PITPNC1: variants seen among roughly 807,000 people sequenced by gnomAD.
PITPNC1 encodes cytoplasmic phosphatidylinositol transfer protein 1.
Under a neutral mutation model 44.7 loss-of-function variants are expected in PITPNC1, and 18 were observed. That is an observed-to-expected ratio of 0.40 (90% CI 0.28 to 0.60). The LOEUF is 0.60. Ranked by LOEUF, PITPNC1 falls within the 20% of genes least tolerant of loss-of-function variation. PITPNC1 has a pLI of 0.39. For missense variants in PITPNC1, 290 were observed against 418.4 expected, an observed-to-expected ratio of 0.69 and a Z score of 2.68; for synonymous variants, 141 against 149.6, an observed-to-expected ratio of 0.94 and a Z score of 0.42.
chr17:67,602,402 C>A (rs1039328563), intron 5 of PITPNC1, among the ~76,000 whole-genome samples: 1 of 151,990 alleles, frequency 6.6e-6, no homozygotes, highest in African/African-American at 2.4e-5. Context: ...AGATTCAAGA[C>A]CCCAGTGGAG....
At chr17:67,650,989 G>A (rs892564677) in intron 6 of PITPNC1, among the ~76,000 whole-genome samples, 6 of 152,204 alleles carry the variant, frequency 3.9e-5, no homozygotes, top group Admixed American at 6.5e-5. Context: ...AACACAAACC[G>A]CTCAGGGTTT....
chr17:67,466,879 C>G (rs988292365), intron 1 of PITPNC1, among the ~76,000 whole-genome samples: 1 of 152,016 alleles, frequency 6.6e-6, no homozygotes, highest in Non-Finnish European at 1.5e-5. Flanking sequence ...TTTCTTCCCC[C>G]CCAAATCCAG....
At chr17:67,475,222 T>C (rs2039609300) in intron 1 of PITPNC1, among the ~76,000 whole-genome samples, 3 of 152,208 alleles carry the variant, frequency 2.0e-5, no homozygotes, top group Non-Finnish European at 4.4e-5. Flanking sequence ...GAGGGTGTTT[T>C]GCTTTCTGCG....
chr17:67,573,869 C>T (rs1445470578), intron 4 of PITPNC1, among the ~76,000 whole-genome samples: 1 of 152,026 alleles, frequency 6.6e-6, no homozygotes, highest in East Asian at 1.9e-4. Flanking sequence ...CTACTGACTA[C>T]TCTTTTAATA....
At chr17:67,552,805 CAAAAAA>C (rs10601654) in intron 3 of PITPNC1, among the ~76,000 whole-genome samples, 1 of 63,476 alleles carries the variant, frequency 1.6e-5, no homozygotes, top group African/African-American at 5.0e-5. Flanking sequence ...GAGACTCCGT[CAAAAAA>C]AAAAAAAAAA....
chr17:67,450,809 A>G (rs2039164643), intron 1 of PITPNC1, among the ~76,000 whole-genome samples: 1 of 152,152 alleles, frequency 6.6e-6, no homozygotes, highest in Non-Finnish European at 1.5e-5. Context: ...CACTTTCAGA[A>G]CTTTTTCATC....
At chr17:67,636,370 T>C (rs2042033213) in intron 6 of PITPNC1, among the ~76,000 whole-genome samples, 1 of 151,766 alleles carries the variant, frequency 6.6e-6, no homozygotes, top group Non-Finnish European at 1.5e-5. Flanking sequence ...GAAGAGGTGA[T>C]TGAAGATGGA....
At chr17:67,419,314 G>T (rs1300490421) in intron 1 of PITPNC1, among the ~76,000 whole-genome samples, 2 of 152,188 alleles carry the variant, frequency 1.3e-5, no homozygotes, top group Non-Finnish European at 2.9e-5. Context: ...CACTGGCACA[G>T]ATTCTAGAAG....
At chr17:67,517,329 A>T (rs1176255714) in intron 1 of PITPNC1, among the ~76,000 whole-genome samples, 1 of 152,240 alleles carries the variant, frequency 6.6e-6, no homozygotes, top group African/African-American at 2.4e-5. Context: ...TCAAAAGAAA[A>T]TATGAGATGT....
At chr17:67,494,185 T>TTCTTTCTTTCTTTCTTTCTTTC in intron 1 of PITPNC1, among the ~76,000 whole-genome samples, 2,524 of 102,474 alleles carry the variant, frequency 0.025, 153 homozygotes, top group African/African-American at 0.042. Context: ...CTTTCTTTCT[T>TTCTTTCTTTCTTTCTTTCTTTC]TTTCTTTCTT....
chr17:67,403,841 C>CT (rs2038358613), intron 1 of PITPNC1, among the ~76,000 whole-genome samples: 1 of 152,084 alleles, frequency 6.6e-6, no homozygotes. Flanking sequence ...GGCCAACATC[C>CT]TGAAACCCTG....
intron 1 of PITPNC1, among the ~76,000 whole-genome samples, chr17:67,395,803 C>G (rs887230295): frequency 1.3e-5 from 2 of 152,142 alleles, no homozygotes; most frequent in African/African-American, 4.8e-5. Flanking sequence ...CCCCCCCACC[C>G]AAGTGCCAGG....
At chr17:67,468,463 A>G (rs1258891898) in intron 1 of PITPNC1, among the ~76,000 whole-genome samples, 6 of 142,068 alleles carry the variant, frequency 4.2e-5, no homozygotes, top group Admixed American at 3.8e-4. Flanking sequence ...GTGCAGTGGC[A>G]TGATCTCGGC....
intron 5 of PITPNC1, among the ~76,000 whole-genome samples, chr17:67,580,293 T>C (rs560343802): frequency 6.6e-6 from 1 of 152,170 alleles, no homozygotes; most frequent in Non-Finnish European, 1.5e-5. Flanking sequence ...AAAAGGATAA[T>C]AAAGTTCAGT....
At chr17:67,601,862 C>T (rs2041544867) in intron 5 of PITPNC1, among the ~76,000 whole-genome samples, 1 of 151,800 alleles carries the variant, frequency 6.6e-6, no homozygotes, top group East Asian at 1.9e-4. Context: ...GCAGGGCAGG[C>T]AAGGAGGGGG....
chr17:67,650,645 T>G (rs1179918592), intron 6 of PITPNC1, among the ~76,000 whole-genome samples: 2 of 152,050 alleles, frequency 1.3e-5, no homozygotes, highest in Non-Finnish European at 2.9e-5. Flanking sequence ...GAGACGGGGT[T>G]TCACCATGTT....
At chr17:67,689,533 CAAAT>C (rs992411501) in intron 8 of PITPNC1, among the ~76,000 whole-genome samples, 3 of 152,140 alleles carry the variant, frequency 2.0e-5, no homozygotes, top group Non-Finnish European at 4.4e-5. Flanking sequence ...CTCTTTGTCA[CAAAT>C]AAAAACTGCA....
chr17:67,599,011 TATATATATATATATATATATATA>T (rs2041497417), intron 5 of PITPNC1, among the ~76,000 whole-genome samples: 1 of 22,852 alleles, frequency 4.4e-5, no homozygotes, highest in South Asian at 2.3e-3. Flanking sequence ...CATATATATA[TATATATATATATATATATATATA>T]TTTTTTTTTT....
rs560289813 is a variant in PITPNC1, at chr17:67,537,609, A to C, written c.197+4659A>C. ...GGACGGGAAATGTTACAAAGTTGGC[A>C]TCAAATCTCAAATCAATCTATAAAT... On this transcript the variant is annotated intron_variant, in intron 2 of 8. Transcript: ENST00000581322. Among the ~76,000 whole-genome samples, 4 of 152,326 alleles carry C rather than the reference A, an allele frequency of 2.6e-5. No homozygotes were observed. The South Asian group carries it at 8.3e-4, about 32-fold the overall frequency.
Sources: allele counts gnomAD v4.1 joint callset (sites outside exome capture counted in the v4.1 genomes callset), GRCh38; gene constraint gnomAD v4.1.1; transcripts MANE v1.5; gene names NCBI Gene and HGNC (gene_info 2026-07-23, HGNC 2026-07-21).